Variants in KANK4 observed in about 807,000 individuals in gnomAD.
KANK4 encodes the protein KN motif and ankyrin repeat domains 4, also known as KN motif and ankyrin repeat domain-containing protein 4.
Under a neutral mutation model 80.8 loss-of-function variants are expected in KANK4, and 50 were observed. The observed-to-expected ratio is 0.62, with a 90% CI of 0.49 to 0.78. The LOEUF (loss-of-function observed/expected upper bound fraction) is 0.78. KANK4 is among the 30% of genes least tolerant of loss of function. The probability of loss-of-function intolerance (pLI) is 0.00; values close to 1 mark genes in which losing one functional copy is unlikely to be tolerated. For synonymous variants in KANK4, 465 were observed against 506.9 expected, an observed-to-expected ratio of 0.92 and a Z score of 1.11; for missense variants, 1,196 against 1,240.1, an observed-to-expected ratio of 0.96 and a Z score of 0.53.
chr1:62,242,835 G>C (rs111448859), intron 9 of KANK4, among the ~76,000 whole-genome samples: 11,678 of 152,244 alleles, frequency 0.077, 527 homozygotes, highest in African/African-American at 0.11. Context: ...ATAAGGGCCA[G>C]ACTTTCCCTC....
At position 62,275,040 on chromosome 1, in the gene KANK4, T is replaced by C; in HGVS notation, c.64A>G (p.Ser22Gly). The C allele has an allele frequency of 1.9e-6, 3 of 1,613,986 alleles. No individual in the cohort carries two copies. The highest frequency in any genetic ancestry group is 2.2e-5 in the East Asian group (1 of 44,876). ...GGGGTCTCCACAGAATAAGGGTGGC[T>C]CTTCGGAGGGTCTTTCTCTTCATCC... is the stretch of plus-strand genomic sequence containing the variant. ...QGDEEKDPPK[S>G]HPYSVETPYG... is the part of the protein sequence containing the mutation. The change falls in exon 3 of 10, where the codon AGC becomes GGC. Residue 22 changes from serine (S) to glycine (G), a missense_variant. Ser to Gly is a moderately conservative substitution (Grantham distance 56, BLOSUM62 0). Transcript: ENST00000371153.
Position 62,273,469 on chromosome 1 carries a change from C to T in KANK4, c.1635G>A (p.Lys545=). The T allele has an allele frequency of 6.2e-7, 1 of 1,613,996 alleles. No individual in the cohort carries two copies. The part of the protein sequence containing the change: ...REETSSNLPG[K]EHPGRPPSSP... ...AGCTTGGTGGCCTTCCCGGGTGCTC[C>T]TTCCCTGGGAGATTGGAACTGGTCT... Residue 545 remains lysine, a synonymous_variant, in exon 3 of 10, where the codon AAG becomes AAA. Transcript: ENST00000371153.
intron 7 of KANK4, among the ~76,000 whole-genome samples, chr1:62,261,593 C>G (rs1343795564): frequency 6.6e-6 from 1 of 152,082 alleles, no homozygotes; most frequent in Non-Finnish European, 1.5e-5. Context: ...CTAACCCACC[C>G]CTACTGTCAA....
Position 62,273,513 on chromosome 1 carries a change from G to GA in KANK4, c.1590dup (p.Pro531SerfsTer112), listed in dbSNP as rs750615095. On this transcript the variant is annotated frameshift_variant, in exon 3 of 10. Transcript: ENST00000371153. LOFTEE classifies it high-confidence loss of function. ...CTGGTCTCCTCCCTCCCTGCTGGGG[G>GA]AGTCTTTCTGTCGCTGCCCCACAGA... The GA allele has an allele frequency of 1.2e-6, 2 of 1,613,632 alleles. No individual in the cohort carries two copies. The highest frequency in any genetic ancestry group is 2.2e-5 in the South Asian group (2 of 91,044).
At chr1:62,280,908 G>C (rs1310359754) in intron 2 of KANK4, among the ~76,000 whole-genome samples, 2 of 152,208 alleles carry the variant, frequency 1.3e-5, no homozygotes, top group African/African-American at 4.8e-5. Flanking sequence ...GTGTCGGCCA[G>C]TGGGTCAACA....
intron 1 of KANK4, among the ~76,000 whole-genome samples, chr1:62,317,342 G>A (rs1198098793): frequency 6.6e-6 from 1 of 152,176 alleles, no homozygotes; most frequent in Non-Finnish European, 1.5e-5. Context: ...TGAACCGCTC[G>A]CTGCTCTTGG....
At chr1:62,293,287 G>T (rs1219841605) in intron 1 of KANK4, among the ~76,000 whole-genome samples, 1 of 151,710 alleles carries the variant, frequency 6.6e-6, no homozygotes, top group Admixed American at 6.6e-5. Context: ...TAGAGATGGG[G>T]TTTTGGCATG....
At chr1:62,271,157 A>G (rs1672152554) in intron 4 of KANK4, among the ~76,000 whole-genome samples, 1 of 152,158 alleles carries the variant, frequency 6.6e-6, no homozygotes, top group Non-Finnish European at 1.5e-5. Context: ...AATTTGTACT[A>G]GTTTCAGTTT....
Position 62,246,879 on chromosome 1 carries a change from G to A in KANK4, c.2883+593C>T, listed in dbSNP as rs185605978. On this transcript the variant is annotated intron_variant, in intron 9 of 9. Coordinates refer to ENST00000371153, the MANE Select transcript of KANK4 (RefSeq NM_181712.5). The stretch of plus-strand genomic sequence containing the variant: ...ACGTTCAAGCGGTTCTCCTGCCTCA[G>A]CCTCCTGAGTAGCTGGAATTACAGG... Among the ~76,000 whole-genome samples the A allele has an allele frequency of 4.6e-5, 7 of 152,036 alleles. No homozygotes were observed. The East Asian group carries it at 1.2e-3, about 25-fold the overall frequency.
intron 2 of KANK4, among the ~76,000 whole-genome samples, chr1:62,278,200 C>G (rs1311700396): frequency 6.6e-6 from 1 of 151,774 alleles, no homozygotes; most frequent in Non-Finnish European, 1.5e-5. Context: ...AACCAGAGGC[C>G]CCAAGATCAG....
intron 1 of KANK4, among the ~76,000 whole-genome samples, chr1:62,305,341 C>G (rs185128728): frequency 1.3e-5 from 2 of 152,112 alleles, no homozygotes; most frequent in East Asian, 3.9e-4. Flanking sequence ...CAGAGTCTCG[C>G]TTTGTCGCCC....
intron 9 of KANK4, among the ~76,000 whole-genome samples, chr1:62,243,627 C>T (rs1243334863): frequency 6.6e-6 from 1 of 152,204 alleles, no homozygotes; most frequent in Non-Finnish European, 1.5e-5. Context: ...GTGTGAGCCA[C>T]TGGGCCTGGA....
intron 5 of KANK4, among the ~76,000 whole-genome samples, chr1:62,267,835 C>G (rs761133526): frequency 6.7e-6 from 1 of 150,170 alleles, no homozygotes; most frequent in Non-Finnish European, 1.5e-5. Flanking sequence ...ACTTTAAAAG[C>G]CAGCATGGTC....
chr1:62,236,523 T>C lies in KANK4; in HGVS notation c.*1754A>G, dbSNP rs1671203890. On this transcript the variant is annotated 3_prime_UTR_variant, in exon 10 of 10. Transcript: ENST00000371153. ...GTGTTCTGGGACTCTGAGCCTCTCT[T>C]ATGAATCACAATGGCAAAAGAAGTT... 6.6e-6 allele frequency among the ~76,000 whole-genome samples: 1 copy of C among 152,072 alleles called. No homozygotes were observed. The highest frequency in any genetic ancestry group is 1.5e-5 in the Non-Finnish European group (1 of 68,018).
At chr1:62,280,443 C>G (rs1672428326) in intron 2 of KANK4, among the ~76,000 whole-genome samples, 2 of 152,200 alleles carry the variant, frequency 1.3e-5, no homozygotes, top group South Asian at 2.1e-4. Flanking sequence ...ACTGAAAAGG[C>G]AGCTCTCTGG....
At chr1:62,269,922 CTAAT>C (rs1248433243) in intron 4 of KANK4, among the ~76,000 whole-genome samples, 10 of 152,228 alleles carry the variant, frequency 6.6e-5, no homozygotes, top group Non-Finnish European at 1.5e-4. Flanking sequence ...TGCACAAAGA[CTAAT>C]TAAACCAGAG....
intron 7 of KANK4, among the ~76,000 whole-genome samples, chr1:62,259,091 C>T (rs1671818946): frequency 6.6e-6 from 1 of 152,050 alleles, no homozygotes; most frequent in Non-Finnish European, 1.5e-5. Flanking sequence ...GCCTCTCATG[C>T]TAAGAGCAAT....
intron 1 of KANK4, among the ~76,000 whole-genome samples, chr1:62,303,199 C>T (rs896227693): frequency 6.6e-6 from 1 of 151,674 alleles, no homozygotes; most frequent in African/African-American, 2.4e-5. Flanking sequence ...TGCCAAGTAG[C>T]AGATGAAGTC....
intron 1 of KANK4, among the ~76,000 whole-genome samples, chr1:62,296,630 C>T (rs963847344): frequency 3.3e-5 from 5 of 152,074 alleles, no homozygotes; most frequent in Admixed American, 3.3e-4. Flanking sequence ...CAGGTCACTG[C>T]AGCCTCAATC....
Sources: gnomAD v4.1 joint callset for allele counts (sites outside exome capture counted in the v4.1 genomes callset) on GRCh38, gnomAD v4.1.1 for gene constraint, MANE v1.5 for transcripts, NCBI Gene and HGNC (gene_info 2026-07-23, HGNC 2026-07-21) for gene names.